HNRNPU: variants seen among roughly 807,000 people sequenced by gnomAD.
HNRNPU encodes the protein HNRNPU antisense RNA 1.
A neutral mutation model predicts 94.7 loss-of-function variants in HNRNPU; 5 were observed. The observed-to-expected ratio is 0.05, with a 90% confidence interval of 0.03 to 0.11. HNRNPU has a LOEUF of 0.11. Ranked by LOEUF, HNRNPU falls within the 10% of genes least tolerant of loss-of-function variation. The probability of loss-of-function intolerance (pLI) is 1.00; values close to 1 mark genes in which losing one functional copy is unlikely to be tolerated. For missense variants in HNRNPU, 710 were observed against 1,049.2 expected, an observed-to-expected ratio of 0.68 and a Z score of 4.47; for synonymous variants, 434 against 381.6, an observed-to-expected ratio of 1.14 and a Z score of -1.60.
chr1:244,862,366 G>A (rs1183094930), intron 3 of HNRNPU, 95 bp downstream of exon 3: 21 of 812,238 alleles, frequency 2.6e-5, no homozygotes, highest in South Asian at 1.6e-5. Flanking sequence ...ACTAACCCAA[G>A]TTTTGCTGCA....
At chr1:244,855,337 T>C (rs1467400886) in intron 12 of HNRNPU, 87 bp downstream of exon 12, 17 of 1,257,452 alleles carry the variant, frequency 1.4e-5, no homozygotes, top group Non-Finnish European at 1.9e-5. Context: ...TCCTTACGGA[T>C]TACTAAGACA....
Position 244,863,737 on chromosome 1 carries a change from T to C in HNRNPU, c.571A>G (p.Thr191Ala), listed in dbSNP as rs1680921585. The C allele has an allele frequency of 4.4e-6, 7 of 1,575,356 alleles. No homozygotes were observed. The highest frequency in any genetic ancestry group is 6.0e-6 in the Non-Finnish European group (7 of 1,165,528). The change falls in exon 1 of 14, where the codon ACC becomes GCC. Residue 191 changes from threonine to alanine, a missense_variant. Thr to Ala is a moderately conservative substitution (Grantham distance 58). This residue lies in a region of HNRNPU where 292 missense variants were observed against 293.4 expected (regional missense o/e 1.00). Coordinates refer to ENST00000640218, the MANE Select transcript of HNRNPU (RefSeq NM_031844.3). ...GCCACCGTCACCGCGAACAGCGAGG[T>C]GGGGCCGCTGCTCTTCCCCGCGGCC... ...KEAAGKSSGPTSLFAVTVAPP... is the reference protein window; with the variant it reads ...KEAAGKSSGPASLFAVTVAPP...
rs533994336 is a variant in HNRNPU, at chr1:244,862,795, C to G, written c.692-65G>C. On this transcript the variant is annotated intron_variant, in intron 1 of 13. Coordinates refer to ENST00000640218, the MANE Select transcript of HNRNPU (RefSeq NM_031844.3). ...ACAACAAAAAAACGCTTTTCCGTTCCGAGAACCAAAGCAGCTCGACTTTAT... is the reference window on the plus strand; with the variant it reads ...ACAACAAAAAAACGCTTTTCCGTTCGGAGAACCAAAGCAGCTCGACTTTAT... 2.3e-5 allele frequency: 27 copies of G among 1,181,398 alleles called. No individual in the cohort carries two copies. The South Asian group carries it at 3.1e-4, about 13-fold the overall frequency. The allele number at this position is 1,181,398 out of a possible 1,614,324, so 73.2% of individuals were successfully genotyped here.
At chr1:244,855,745 T>A (rs1475230310) in intron 11 of HNRNPU, 137 bp from the exon 12 acceptor site, 3 of 1,250,954 alleles carry the variant, frequency 2.4e-6, no homozygotes, top group Non-Finnish European at 3.4e-6. Flanking sequence ...TTCTAACCAT[T>A]AACATAACCT....
At chr1:244,862,921 T>A in intron 1 of HNRNPU, 191 bp from the exon 2 acceptor site, 1 of 604,846 alleles carries the variant, frequency 1.7e-6, no homozygotes, top group Non-Finnish European at 2.9e-6. Flanking sequence ...CTAAAGACAT[T>A]ACTAATTTTG....
chr1:244,860,933 C>T (rs1360285451), intron 3 of HNRNPU: 1 of 164,674 alleles, frequency 6.1e-6, no homozygotes, highest in African/African-American at 2.4e-5. Flanking sequence ...TGCACCAGGG[C>T]TCTAGCTCCT....
rs1270234249 is a variant in HNRNPU, at chr1:244,862,278, T to G, written c.877+183A>C. 7.2e-6 allele frequency: 4 copies of G among 554,522 alleles called. No individual in the cohort carries two copies. In the African/African-American group the frequency reaches 7.6e-5, roughly 10 times the overall value. 34.4% of individuals were successfully genotyped at this position (554,522 alleles called of 1,614,324 possible). On this transcript the variant is annotated intron_variant, in intron 3 of 13. Transcript: ENST00000640218. ...TCCTAGAGCCTGTAAAATAATCCAC[T>G]TAATACAACTGATGACGTGCTAAAT...
intron 1 of HNRNPU, 137 bp from the exon 2 acceptor site, chr1:244,862,867 A>G (rs1680875630): frequency 4.3e-6 from 3 of 700,602 alleles, no homozygotes; most frequent in South Asian, 1.6e-5. Context: ...ATGTGAATTC[A>G]AAGAACAATC....
Position 244,864,376 on chromosome 1 carries a change from G to C in HNRNPU, c.-69C>G. 1.3e-6 allele frequency: 2 copies of C among 1,584,896 alleles called. No homozygotes were observed. Among genetic ancestry groups the C allele is most frequent in the Non-Finnish European group, 1.7e-6 (2 of 1,170,410 alleles). ...CTCCGCTCACTCGGCCACTGGTGGC[G>C]GCTGCTGCGGCTGCTCCTCGGCCCG... On this transcript the variant is annotated 5_prime_UTR_variant, in exon 1 of 14. Transcript: ENST00000640218.
intron 10 of HNRNPU, 21 bp downstream of exon 10, chr1:244,856,436 A>G: frequency 1.3e-6 from 2 of 1,597,488 alleles, no homozygotes; most frequent in East Asian, 2.2e-5. Flanking sequence ...TTCACACAGT[A>G]ACAGAATTAA....
chr1:244,862,982 G>A, intron 1 of HNRNPU: 1 of 526,698 alleles, frequency 1.9e-6, no homozygotes, highest in Non-Finnish European at 3.4e-6. Context: ...CGCGGCCCAG[G>A]CCCGAAGCCC....
Position 244,857,667 on chromosome 1 carries a change from A to G in HNRNPU, c.1545T>C (p.Thr515=). 1.2e-6 allele frequency: 2 copies of G among 1,613,672 alleles called. No homozygotes were observed. Among genetic ancestry groups the G allele is most frequent in the Non-Finnish European group, 8.5e-7 (1 of 1,179,528 alleles). ...LPGAGKTTWV[T]KHAAENPGKY... is the part of the protein sequence containing the mutation. ...TCCCTGGATTTTCTGCTGCATGTTT[A>G]GTAACCCAGGTAGTTTTTCCAGCTC... The change falls in exon 8 of 14, where the codon ACT becomes ACC. Residue 515 remains threonine, a synonymous_variant. Coordinates refer to ENST00000640218, the MANE Select transcript of HNRNPU (RefSeq NM_031844.3).
Position 244,854,497 on chromosome 1 carries a change from A to C in HNRNPU, c.2431T>G (p.Trp811Gly). 6.2e-7 allele frequency: 1 copy of C among 1,605,838 alleles called. No individual in the cohort carries two copies. Among genetic ancestry groups the C allele is most frequent in the Non-Finnish European group, 8.5e-7 (1 of 1,173,100 alleles). The change falls in exon 14 of 14, where the codon TGG (tryptophan) becomes GGG (glycine). Residue 811 changes from tryptophan to glycine, a missense_variant. By Grantham distance (184) the Trp-to-Gly change is radical. Transcript: ENST00000640218. Reference protein sequence around the residue: ...GYNQWQQGQFWGQKPWSQHYH... With the variant: ...GYNQWQQGQFGGQKPWSQHYH... ...TGCTGACTCCATGGCTTCTGACCCC[A>C]GAATTGCTGTAAGAGAAAATTTTGT...
chr1:244,858,365 T>C lies in HNRNPU; in HGVS notation c.1231-91A>G, dbSNP rs577307554. On this transcript the variant is annotated intron_variant, in intron 6 of 13. Coordinates refer to ENST00000640218, the MANE Select transcript of HNRNPU (RefSeq NM_031844.3). ...TTAAAATTAGGAGCAAAGCTTATCCTGTGGAAGCTACAGGTTAAAGAACTA... is the reference window on the plus strand; with the variant it reads ...TTAAAATTAGGAGCAAAGCTTATCCCGTGGAAGCTACAGGTTAAAGAACTA... The C allele has an allele frequency of 1.7e-5, 20 of 1,211,516 alleles. No homozygotes were observed. In the African/African-American group the frequency reaches 2.4e-4, roughly 15 times the overall value. 75.0% of individuals were successfully genotyped at this position (1,211,516 alleles called of 1,614,324 possible).
At chr1:244,857,825 A>G (rs533786289) in intron 7 of HNRNPU, 108 bp from the exon 8 acceptor site, 5 of 1,425,872 alleles carry the variant, frequency 3.5e-6, no homozygotes, top group Admixed American at 2.3e-5. Context: ...TAGCCCTTAC[A>G]CTAACGGACA....
chr1:244,856,262 T>C (rs1680679556), intron 10 of HNRNPU, 104 bp from the exon 11 acceptor site: 3 of 1,299,260 alleles, frequency 2.3e-6, no homozygotes, highest in Non-Finnish European at 3.2e-6. Context: ...TTCCTAAAAA[T>C]AAAAACAGAC....
In HNRNPU at chr1:244,852,791, G is replaced by A. The variant is rs1423667396; in HGVS notation, c.*1659C>T. 2 of 152,310 alleles carry A rather than the reference G, an allele frequency of 1.3e-5. No homozygotes were observed. The highest frequency in any genetic ancestry group is 2.9e-5 in the Non-Finnish European group (2 of 67,998). 9.4% of individuals were successfully genotyped at this position (152,310 alleles called of 1,614,324 possible). On this transcript the variant is annotated 3_prime_UTR_variant, in exon 14 of 14. Coordinates refer to ENST00000640218, the MANE Select transcript of HNRNPU (RefSeq NM_031844.3). ...AAAATTCTAAGCAATCAGAAATATAGCAAACCTAAACTTACCAAAGCAACC... is the reference window on the plus strand; with the variant it reads ...AAAATTCTAAGCAATCAGAAATATAACAAACCTAAACTTACCAAAGCAACC...
intron 1 of HNRNPU, among the ~76,000 whole-genome samples, chr1:244,863,296 G>A (rs1215545629): frequency 6.8e-6 from 1 of 148,112 alleles, no homozygotes; most frequent in East Asian, 2.0e-4. Context: ...CGGGCCGACC[G>A]GGCTCCCTCC....
chr1:244,863,077 C>T, intron 1 of HNRNPU: 1 of 284,496 alleles, frequency 3.5e-6, no homozygotes, highest in Non-Finnish European at 6.6e-6. Context: ...CCCGCGCTCC[C>T]CGCGGCCGCA....
Sources: gnomAD v4.1 joint callset for allele counts (sites outside exome capture counted in the v4.1 genomes callset) on GRCh38, gnomAD v4.1.1 for gene constraint, gnomAD v4.1.1 regional missense constraint, MANE v1.5 for transcripts, NCBI Gene and HGNC (gene_info 2026-07-23, HGNC 2026-07-21) for gene names.